The following ACTR6 variants were observed in gnomAD, a reference collection of about 807,000 sequenced individuals.
ACTR6 encodes the protein actin related protein 6.
Under a neutral mutation model 52.5 loss-of-function variants are expected in ACTR6, and 50 were observed. The ratio of observed to expected loss-of-function variants is 0.95; its 90% confidence interval spans 0.76 to 1.20. The LOEUF is 1.20. Among genes scored for constraint, ACTR6 ranks in the 50% most tolerant of loss-of-function variants. The probability of loss-of-function intolerance (pLI) is 0.00; values close to 1 mark genes in which losing one functional copy is unlikely to be tolerated. For synonymous variants in ACTR6, 135 were observed against 147.2 expected, an observed-to-expected ratio of 0.92 and a Z score of 0.60; for missense variants, 344 against 472.4, an observed-to-expected ratio of 0.73 and a Z score of 2.52.
At chr12:100,223,380 A>G (rs1462227540) in intron 10 of ACTR6, among the ~76,000 whole-genome samples, 1 of 151,990 alleles carries the variant, frequency 6.6e-6, no homozygotes, top group African/African-American at 2.4e-5. Flanking sequence ...TAGCTATTTT[A>G]TGAGTTGCTA....
intron 1 of ACTR6, 172 bp downstream of exon 1, chr12:100,201,091 T>C (rs2153899713): frequency 3.5e-6 from 5 of 1,448,712 alleles, no homozygotes; most frequent in Non-Finnish European, 4.5e-6. Context: ...GAATTGAAAT[T>C]GATTTTGGTT....
At chr12:100,219,589 TG>T (rs1430832264) in intron 9 of ACTR6, among the ~76,000 whole-genome samples, 3 of 152,186 alleles carry the variant, frequency 2.0e-5, no homozygotes, top group African/African-American at 4.8e-5. Context: ...TCAAATGTCA[TG>T]AAAGACCTCG....
chr12:100,220,760 T>C (rs1592849586), intron 10 of ACTR6, among the ~76,000 whole-genome samples: 1 of 152,084 alleles, frequency 6.6e-6, no homozygotes, highest in Non-Finnish European at 1.5e-5. Flanking sequence ...TTTGGGAGGC[T>C]GAGGCAGGCA....
Position 100,210,146 on chromosome 12 carries a change from A to T in ACTR6, c.453A>T (p.Gly151=), listed in dbSNP as rs766945291. The T allele has an allele frequency of 6.2e-7, 1 of 1,610,254 alleles. No individual in the cohort carries two copies. Among genetic ancestry groups the T allele is most frequent in the South Asian group, 1.1e-5 (1 of 90,684 alleles). Residue 151 remains glycine (G), a synonymous_variant, in exon 5 of 11, where the codon GGA becomes GGT. Transcript: ENST00000188312. ...TATGCTGTATCATTGTTGATAGTGGATATTCCTTTACACATATAGTTCCTT... is the reference window on the plus strand; with the variant it reads ...TATGCTGTATCATTGTTGATAGTGGTTATTCCTTTACACATATAGTTCCTT... ...SELCCIIVDS[G]YSFTHIVPYC...
At chr12:100,223,410 A>G (rs2096129866) in intron 10 of ACTR6, among the ~76,000 whole-genome samples, 1 of 151,988 alleles carries the variant, frequency 6.6e-6, no homozygotes, top group Admixed American at 6.6e-5. Flanking sequence ...TTGAGATGAC[A>G]TATCTTTGCC....
At chr12:100,220,373 T>C (rs6538957) in intron 10 of ACTR6, among the ~76,000 whole-genome samples, 20,475 of 152,198 alleles carry the variant, frequency 0.13, 1,722 homozygotes, top group African/African-American at 0.22. Flanking sequence ...AATGGGTGCT[T>C]AATTAAGTAT....
At position 100,210,059 on chromosome 12, in the gene ACTR6, C is replaced by CT. The variant is rs2096118554; in HGVS notation, c.380-7dup. The CT allele has an allele frequency of 1.3e-6, 2 of 1,551,930 alleles. No homozygotes were observed. Among genetic ancestry groups the CT allele is most frequent in the Non-Finnish European group, 1.7e-6 (2 of 1,157,192 alleles). The stretch of plus-strand genomic sequence containing the variant: ...GTTATATTTTTGTTCACTTTTTTAT[C>CT]TTTTTTTAAATAGCTGGGGCTCTCA... On this transcript the variant is annotated splice_polypyrimidine_tract_variant and intron_variant, in intron 4 of 10. Transcript: ENST00000188312.
In ACTR6 at chr12:100,223,850, G is replaced by A. The variant is rs773952570; in HGVS notation, c.1126G>A (p.Val376Met). Residue 376 changes from valine to methionine, a missense_variant, in exon 11 of 11, where the codon GTG becomes ATG. By Grantham distance (21) the Val-to-Met change is conservative. Coordinates refer to ENST00000188312, the MANE Select transcript of ACTR6 (RefSeq NM_022496.5). ...ISENDDFEDM[V>M]VTREDYEENG... is the part of the protein sequence containing the mutation. ...AGAGAATGATGATTTTGAAGATATG[G>A]TGGTAACAAGAGAAGATTACGAAGA... 1.2e-6 allele frequency: 2 copies of A among 1,611,862 alleles called. No homozygotes were observed. The highest frequency in any genetic ancestry group is 1.7e-6 in the Non-Finnish European group (2 of 1,179,204).
chr12:100,208,283 CTT>C (rs974819133), intron 4 of ACTR6, among the ~76,000 whole-genome samples: 2 of 146,130 alleles, frequency 1.4e-5, no homozygotes, highest in Non-Finnish European at 1.5e-5. Context: ...TTTTCTTTTT[CTT>C]TTTTTTTTTT....
intron 10 of ACTR6, 52 bp from the exon 11 acceptor site, chr12:100,223,725 GTTTCAGGCA>G (rs2096130098): frequency 2.6e-6 from 4 of 1,554,620 alleles, no homozygotes; most frequent in Non-Finnish European, 3.5e-6. Context: ...AGTAATTTAT[GTTTCAGGCA>G]TTTCAGTTTT....
At chr12:100,203,851 G>T (rs896356527) in intron 1 of ACTR6, 1 of 151,646 alleles carries the variant, frequency 6.6e-6, no homozygotes, top group Non-Finnish European at 1.5e-5. Context: ...GGGTTTCACC[G>T]TGTTAGCCAG....
At position 100,224,141 on chromosome 12, in the gene ACTR6, T is replaced by C. The variant is rs2096130440; in HGVS notation, c.*226T>C. The stretch of plus-strand genomic sequence containing the variant: ...AGCTAGACTACCATAACAATGCTTA[T>C]GCTGTTTCCAAGGGTAGGTTATTTT... On this transcript the variant is annotated 3_prime_UTR_variant, in exon 11 of 11. Coordinates refer to ENST00000188312, the MANE Select transcript of ACTR6 (RefSeq NM_022496.5). The C allele has an allele frequency of 5.8e-6, 2 of 345,694 alleles. No homozygotes were observed. Among genetic ancestry groups the C allele is most frequent in the East Asian group, 1.1e-4 (2 of 18,204 alleles). 21.4% of individuals were successfully genotyped at this position (345,694 alleles called of 1,614,324 possible). A position where few individuals can be genotyped will look rare whatever the true frequency, so the allele number is the denominator to read the frequency against.
intron 10 of ACTR6, among the ~76,000 whole-genome samples, chr12:100,221,012 GC>G (rs1432957993): frequency 1.6e-5 from 2 of 121,924 alleles, no homozygotes; most frequent in Non-Finnish European, 3.4e-5. Flanking sequence ...AACCCCCCTG[GC>G]AAAAAAAAAA....
Position 100,210,050 on chromosome 12 carries a change from CTTT to C in ACTR6, c.380-19_380-17del, listed in dbSNP as rs759238974. 17 of 1,549,454 alleles carry C rather than the reference CTTT, an allele frequency of 1.1e-5. No homozygotes were observed. Among genetic ancestry groups the C allele is most frequent in the Non-Finnish European group, 1.5e-5 (17 of 1,155,122 alleles). On this transcript the variant is annotated intron_variant, in intron 4 of 10. Transcript: ENST00000188312. ...TAAATTAGTGTTATATTTTTGTTCA[CTTT>C]TTTATCTTTTTTTAAATAGCTGGGG...
chr12:100,221,004 C>T (rs2096127746), intron 10 of ACTR6, among the ~76,000 whole-genome samples: 2 of 147,656 alleles, frequency 1.4e-5, no homozygotes. Context: ...AACAAACAAA[C>T]CCCCCTGGCA....
In ACTR6 at chr12:100,218,633, ACAT is replaced by A. The variant is rs2096125677; in HGVS notation, c.922+51_922+53del. The A allele has an allele frequency of 7.1e-6, 9 of 1,270,676 alleles. No homozygotes were observed. Among genetic ancestry groups the A allele is most frequent in the Non-Finnish European group, 9.3e-6 (9 of 971,518 alleles). The allele number at this position is 1,270,676 out of a possible 1,614,324, so 78.7% of individuals were successfully genotyped here. On this transcript the variant is annotated intron_variant, in intron 9 of 10. Coordinates refer to ENST00000188312, the MANE Select transcript of ACTR6 (RefSeq NM_022496.5). This position sits in a 1 kb window ranked among gnomAD's most constrained non-coding sequence, Gnocchi z 4.2. ...CTAAAGAATTATAATTGTTTTAAAAACATCATAAGCCCTGTGAACCCTGTTTCC... is the reference window on the plus strand; with the variant it reads ...CTAAAGAATTATAATTGTTTTAAAAACATAAGCCCTGTGAACCCTGTTTCC...
At chr12:100,220,872 A>G (rs2096127596) in intron 10 of ACTR6, among the ~76,000 whole-genome samples, 1 of 152,116 alleles carries the variant, frequency 6.6e-6, no homozygotes. Context: ...CTGTAGTCCC[A>G]GCTACTCAGG....
Position 100,212,350 on chromosome 12 carries a change from G to A in ACTR6, c.667G>A (p.Ala223Thr). Residue 223 changes from alanine to threonine, a missense_variant, in exon 7 of 11, where the codon GCA becomes ACA. Coordinates refer to ENST00000188312, the MANE Select transcript of ACTR6 (RefSeq NM_022496.5). The stretch of plus-strand genomic sequence containing the variant: ...GGATTTTTATAGAGACATGGATATT[G>A]CAAAGTATGTATAATGACAATCTAA... ...SQDFYRDMDI[A>T]KLKGEENTVM... 6.2e-7 allele frequency: 1 copy of A among 1,605,570 alleles called. No homozygotes were observed. Among genetic ancestry groups the A allele is most frequent in the South Asian group, 1.1e-5 (1 of 90,616 alleles).
At chr12:100,209,944 T>G in intron 4 of ACTR6, 129 bp from the exon 5 acceptor site, 2 of 713,064 alleles carry the variant, frequency 2.8e-6, no homozygotes, top group Non-Finnish European at 4.4e-6. Context: ...TGAATAGTAT[T>G]ATAAATTAAC....
Sources: allele counts gnomAD v4.1 joint callset (sites outside exome capture counted in the v4.1 genomes callset), GRCh38; gene constraint gnomAD v4.1.1; non-coding constraint Gnocchi (gnomAD v3.1); transcripts MANE v1.5; gene names NCBI Gene and HGNC (gene_info 2026-07-23, HGNC 2026-07-21).